The following UBE2E3 variants were observed in gnomAD, a reference collection of about 807,000 sequenced individuals.
The protein encoded by UBE2E3 is ubiquitin conjugating enzyme E2 E3, also known as ubiquitin-conjugating enzyme E2 E3.
In UBE2E3, 5 loss-of-function variants were observed where a neutral mutation model predicts 23.6. The ratio of observed to expected loss-of-function variants is 0.21; its 90% CI spans 0.11 to 0.44. UBE2E3 has a LOEUF of 0.44. Among genes scored for constraint, UBE2E3 ranks in the 20% least tolerant of loss-of-function variants. The pLI is 0.99. For missense variants in UBE2E3, 81 were observed against 249.8 expected, an observed-to-expected ratio of 0.32 and a Z score of 4.55; for synonymous variants, 78 against 87.5, an observed-to-expected ratio of 0.89 and a Z score of 0.60.
chr2:180,981,574 G>A (rs1173292608), intron 1 of UBE2E3: 2 of 154,160 alleles, frequency 1.3e-5, no homozygotes, highest in African/African-American at 4.8e-5. Context: ...GCGATTAACA[G>A]GGTGTGTTTT....
intron 3 of UBE2E3, among the ~76,000 whole-genome samples, chr2:181,031,073 C>T (rs1686063888): frequency 6.6e-6 from 1 of 152,040 alleles, no homozygotes; most frequent in Non-Finnish European, 1.5e-5. Flanking sequence ...GTAATACAAA[C>T]ATTAAAGCTG....
chr2:181,018,374 A>G (rs1029025087), intron 3 of UBE2E3, among the ~76,000 whole-genome samples: 6 of 151,238 alleles, frequency 4.0e-5, no homozygotes, highest in Non-Finnish European at 5.9e-5. Flanking sequence ...GTGTGTGTAT[A>G]TATATATATA....
chr2:181,039,467 A>T lies in UBE2E3; in HGVS notation c.246-18226A>T, dbSNP rs567971131. 5.3e-5 allele frequency among the ~76,000 whole-genome samples: 8 copies of T among 152,104 alleles called. No homozygotes were observed. In the East Asian group the frequency reaches 1.5e-3, roughly 29 times the overall value. On this transcript the variant is annotated intron_variant, in intron 3 of 5. Coordinates refer to ENST00000410062, the MANE Select transcript of UBE2E3 (RefSeq NM_006357.4). ...AGAATGCCTGTGGTCGAATGTAAAA[A>T]CATTGTCTTAAGAGTGTACAGGGAC...
chr2:181,027,631 T>A (rs1044805092), intron 3 of UBE2E3, among the ~76,000 whole-genome samples: 1 of 151,938 alleles, frequency 6.6e-6, no homozygotes, highest in Non-Finnish European at 1.5e-5. Context: ...CAGTATGTAA[T>A]TGTGAGAAGC....
At chr2:181,052,765 A>T (rs1337982277) in intron 3 of UBE2E3, among the ~76,000 whole-genome samples, 2 of 151,742 alleles carry the variant, frequency 1.3e-5, no homozygotes, top group African/African-American at 4.8e-5. Flanking sequence ...TGAAAGGTCT[A>T]CCCACTCTTA....
At chr2:181,040,839 T>TA (rs1223117883) in intron 3 of UBE2E3, among the ~76,000 whole-genome samples, 3 of 152,208 alleles carry the variant, frequency 2.0e-5, no homozygotes, top group Non-Finnish European at 4.4e-5. Flanking sequence ...TCCAGAGAGT[T>TA]AGACTGTGCA....
intron 3 of UBE2E3, among the ~76,000 whole-genome samples, chr2:181,001,270 A>C (rs1684981885): frequency 2.0e-5 from 3 of 152,232 alleles, no homozygotes; most frequent in Non-Finnish European, 4.4e-5. Context: ...AATGAGGTAA[A>C]ATATGTCACT....
chr2:181,039,351 T>C (rs1016026515), intron 3 of UBE2E3, among the ~76,000 whole-genome samples: 3 of 152,072 alleles, frequency 2.0e-5, no homozygotes, highest in African/African-American at 7.2e-5. Flanking sequence ...AATGGCTACA[T>C]TGAAAATGTA....
chr2:180,985,542 G>C (rs62180076), intron 3 of UBE2E3, among the ~76,000 whole-genome samples: 6 of 151,692 alleles, frequency 4.0e-5, no homozygotes, highest in Non-Finnish European at 7.4e-5. Context: ...TTAAAATTAC[G>C]TATGTGACTT....
chr2:180,985,462 A>G (rs1253727295), intron 3 of UBE2E3, among the ~76,000 whole-genome samples: 1 of 152,172 alleles, frequency 6.6e-6, no homozygotes, highest in Non-Finnish European at 1.5e-5. Flanking sequence ...AATATTTTGG[A>G]TATATTTGGC....
intron 3 of UBE2E3, among the ~76,000 whole-genome samples, chr2:180,994,485 G>T (rs1684768037): frequency 6.6e-6 from 1 of 152,048 alleles, no homozygotes; most frequent in African/African-American, 2.4e-5. Context: ...ACTTTCAAAA[G>T]ATAAGACTCC....
At chr2:180,991,026 A>G (rs915026468) in intron 3 of UBE2E3, among the ~76,000 whole-genome samples, 1 of 152,114 alleles carries the variant, frequency 6.6e-6, no homozygotes, top group African/African-American at 2.4e-5. Context: ...TACTGTTTCC[A>G]CACCAAAAAT....
At chr2:180,990,919 G>A (rs1366064364) in intron 3 of UBE2E3, among the ~76,000 whole-genome samples, 2 of 152,194 alleles carry the variant, frequency 1.3e-5, no homozygotes, top group East Asian at 3.9e-4. Context: ...GGGGCCAGAT[G>A]TGTTTCAGAA....
At chr2:181,020,661 G>A (rs1312921553) in intron 3 of UBE2E3, among the ~76,000 whole-genome samples, 1 of 152,024 alleles carries the variant, frequency 6.6e-6, no homozygotes, top group Non-Finnish European at 1.5e-5. Flanking sequence ...TTGTGTCTAA[G>A]TTCAAATAAA....
intron 3 of UBE2E3, among the ~76,000 whole-genome samples, chr2:181,032,899 A>G (rs1374352044): frequency 1.3e-5 from 2 of 152,224 alleles, no homozygotes; most frequent in Non-Finnish European, 2.9e-5. Context: ...ACAGACGCAG[A>G]GCCAAATCAT....
intron 3 of UBE2E3, among the ~76,000 whole-genome samples, chr2:181,009,617 T>C (rs1685257434): frequency 1.1e-5 from 1 of 90,320 alleles, no homozygotes; most frequent in Non-Finnish European, 2.9e-5. Flanking sequence ...TATATTTCAG[T>C]ATACACCAAA....
At chr2:181,017,374 G>T (rs1429608008) in intron 3 of UBE2E3, among the ~76,000 whole-genome samples, 3 of 152,136 alleles carry the variant, frequency 2.0e-5, no homozygotes, top group African/African-American at 2.4e-5. Context: ...GGATGGTTGC[G>T]TCTGAGGTTG....
chr2:181,026,491 G>A (rs952133138), intron 3 of UBE2E3, among the ~76,000 whole-genome samples: 3 of 150,822 alleles, frequency 2.0e-5, no homozygotes, highest in African/African-American at 7.3e-5. Flanking sequence ...TTTTCTGTCA[G>A]CTAGTTCTTA....
At chr2:181,018,055 T>C (rs1228977783) in intron 3 of UBE2E3, among the ~76,000 whole-genome samples, 1 of 152,092 alleles carries the variant, frequency 6.6e-6, no homozygotes, top group Non-Finnish European at 1.5e-5. Flanking sequence ...ATTTTTAACC[T>C]AGCTCTACAT....
Sources: allele counts gnomAD v4.1 joint callset (sites outside exome capture counted in the v4.1 genomes callset), GRCh38; gene constraint gnomAD v4.1.1; transcripts MANE v1.5; gene names NCBI Gene and HGNC (gene_info 2026-07-23, HGNC 2026-07-21).